The following DPH6 variants were observed in gnomAD, a reference collection of about 807,000 sequenced individuals.
DPH6 encodes the protein diphthamine biosynthesis 6.
DPH6 carries 33 observed loss-of-function variants against 38.2 expected under a neutral mutation model. The observed-to-expected ratio is 0.86, with a 90% CI of 0.65 to 1.15. DPH6 has a LOEUF of 1.15. DPH6 is among the 50% of genes most tolerant of loss of function. The probability of loss-of-function intolerance (pLI) is 0.00; values close to 1 mark genes in which losing one functional copy is unlikely to be tolerated. For synonymous variants in DPH6, 108 were observed against 103.0 expected, an observed-to-expected ratio of 1.05 and a Z score of -0.30; for missense variants, 325 against 320.0, an observed-to-expected ratio of 1.02 and a Z score of -0.12.
intron 3 of DPH6, among the ~76,000 whole-genome samples, chr15:35,222,545 G>T (rs1000117578): frequency 2.0e-5 from 3 of 152,120 alleles, no homozygotes; most frequent in African/African-American, 7.2e-5. Flanking sequence ...GAAGGGGGGG[G>T]TTTCAGGTCA....
At chr15:35,461,558 CA>C (rs2054066887) in intron 3 of DPH6, among the ~76,000 whole-genome samples, 1 of 149,796 alleles carries the variant, frequency 6.7e-6, no homozygotes, top group African/African-American at 2.5e-5. Flanking sequence ...CTTTTAAATA[CA>C]ATGAAAGAAA....
At chr15:35,477,102 A>G (rs971742722) in intron 3 of DPH6, among the ~76,000 whole-genome samples, 9 of 151,882 alleles carry the variant, frequency 5.9e-5, no homozygotes, top group African/African-American at 2.2e-4. Flanking sequence ...ATACAAACTG[A>G]AATGATTATT....
At chr15:35,207,465 C>T in the DPH6 span, among the ~76,000 whole-genome samples, 1 of 152,096 alleles carries the variant, frequency 6.6e-6, no homozygotes, top group Non-Finnish European at 1.5e-5. Context: ...CAAAAGATTC[C>T]TGGAAAGAGT....
intron 3 of DPH6, among the ~76,000 whole-genome samples, chr15:35,289,162 T>C (rs1013299872): frequency 1.3e-5 from 2 of 152,190 alleles, no homozygotes; most frequent in East Asian, 3.9e-4. Flanking sequence ...TCACTACAAA[T>C]GAGATGGCTC....
chr15:35,315,230 C>A (rs1352713170), intron 3 of DPH6, among the ~76,000 whole-genome samples: 1 of 152,170 alleles, frequency 6.6e-6, no homozygotes. Flanking sequence ...CCAACCAGCT[C>A]CCACTTCTTT....
chr15:35,186,025 C>T, the DPH6 span, among the ~76,000 whole-genome samples: 18 of 152,188 alleles, frequency 1.2e-4, no homozygotes, highest in Admixed American at 2.0e-4. Flanking sequence ...TGAGCCACTG[C>T]GCCCGGCCCC....
chr15:35,207,710 A>G, the DPH6 span, among the ~76,000 whole-genome samples: 4 of 152,220 alleles, frequency 2.6e-5, no homozygotes, highest in African/African-American at 9.6e-5. Context: ...AATACAGTCT[A>G]TAGATTTCAA....
intron 3 of DPH6, among the ~76,000 whole-genome samples, chr15:35,515,923 G>A (rs2054840268): frequency 6.6e-6 from 1 of 151,962 alleles, no homozygotes; most frequent in Non-Finnish European, 1.5e-5. Flanking sequence ...TAAATTCTTG[G>A]TGATACGTCC....
chr15:35,402,157 C>T (rs1037928632), intron 6 of DPH6, among the ~76,000 whole-genome samples: 1 of 152,142 alleles, frequency 6.6e-6, no homozygotes, highest in Non-Finnish European at 1.5e-5. Context: ...TGGTAAATTT[C>T]CCCAACAGTG....
At chr15:35,457,129 A>T (rs1290974267) in intron 3 of DPH6, among the ~76,000 whole-genome samples, 1 of 150,758 alleles carries the variant, frequency 6.6e-6, no homozygotes, top group Non-Finnish European at 1.5e-5. Flanking sequence ...ATTTTTTTCT[A>T]TTTTTAGTAG....
At chr15:35,538,223 T>A in intron 3 of DPH6, 51 bp downstream of exon 3, 1 of 1,341,844 alleles carries the variant, frequency 7.5e-7, no homozygotes, top group Non-Finnish European at 9.7e-7. Flanking sequence ...CAAATGTAAT[T>A]TGTTAAATTA....
At chr15:35,448,628 C>T (rs2053887794) in intron 5 of DPH6, among the ~76,000 whole-genome samples, 1 of 152,132 alleles carries the variant, frequency 6.6e-6, no homozygotes, top group Non-Finnish European at 1.5e-5. Flanking sequence ...AAACTGGATA[C>T]TACCTATATG....
intron 3 of DPH6, among the ~76,000 whole-genome samples, chr15:35,311,521 C>A (rs1417042867): frequency 6.6e-6 from 1 of 152,026 alleles, no homozygotes; most frequent in Non-Finnish European, 1.5e-5. Flanking sequence ...CAAATAGATG[C>A]CCTCCTTATG....
chr15:35,367,852 A>AC (rs1210578840), downstream of DPH6, among the ~76,000 whole-genome samples: 2 of 151,808 alleles, frequency 1.3e-5, no homozygotes, highest in Non-Finnish European at 2.9e-5. Flanking sequence ...TTTTTCTCTA[A>AC]CAAGATAAAT....
chr15:35,238,831 C>T (rs113416662), intron 3 of DPH6, among the ~76,000 whole-genome samples: 5,059 of 151,514 alleles, frequency 0.033, 267 homozygotes, highest in African/African-American at 0.11. Context: ...TCTCCTGGCT[C>T]AGAAGCTCCC....
At chr15:35,496,567 A>AAAAAAAAAAAAAAAAAAAAATATATATAT in intron 3 of DPH6, among the ~76,000 whole-genome samples, 4 of 31,000 alleles carry the variant, frequency 1.3e-4, no homozygotes, top group East Asian at 3.0e-3. Context: ...AAAAAAAAAA[A>AAAAAAAAAAAAAAAAAAAAATATATATAT]ATATATATAT....
chr15:35,358,034 G>C (rs972431127), intron 3 of DPH6, among the ~76,000 whole-genome samples: 11 of 152,084 alleles, frequency 7.2e-5, no homozygotes, highest in African/African-American at 2.7e-4. Flanking sequence ...TCTTAGGTTT[G>C]GTTGTTTAAT....
intron 5 of DPH6, among the ~76,000 whole-genome samples, chr15:35,437,659 T>A (rs1212864095): frequency 6.6e-6 from 1 of 152,188 alleles, no homozygotes; most frequent in Non-Finnish European, 1.5e-5. Context: ...TGCATGTCAC[T>A]CTGCATGGTT....
the DPH6 span, among the ~76,000 whole-genome samples, chr15:35,211,239 A>G: frequency 2.6e-5 from 4 of 152,076 alleles, no homozygotes; most frequent in African/African-American, 7.2e-5. Context: ...TCCTTTCCCT[A>G]TTCCCAGAAT....
Sources: gnomAD v4.1 joint callset for allele counts (sites outside exome capture counted in the v4.1 genomes callset) on GRCh38, gnomAD v4.1.1 for gene constraint, MANE v1.5 for transcripts, NCBI Gene and HGNC (gene_info 2026-07-23, HGNC 2026-07-21) for gene names.